ANKFN1: variants seen among roughly 807,000 people sequenced by gnomAD.
ANKFN1 encodes the protein ankyrin repeat and fibronectin type III domain containing 1, also known as ankyrin repeat and fibronectin type-III domain-containing protein 1.
A neutral mutation model predicts 108.7 loss-of-function variants in ANKFN1; 74 were observed. The observed-to-expected ratio is 0.68, with a 90% CI of 0.56 to 0.83. ANKFN1 has a LOEUF of 0.83. Among genes scored for constraint, ANKFN1 ranks in the 40% least tolerant of loss-of-function variants. The probability of loss-of-function intolerance (pLI) is 0.00; values close to 1 mark genes in which losing one functional copy is unlikely to be tolerated. For missense variants in ANKFN1, 1,505 were observed against 1,382.3 expected (o/e 1.09, Z -1.41); for synonymous variants, 547 against 516.2 (o/e 1.06, Z -0.81).
chr17:56,251,396 A>G (rs776971093), intron 3 of ANKFN1, among the ~76,000 whole-genome samples: 15 of 152,218 alleles, frequency 9.9e-5, no homozygotes, highest in Non-Finnish European at 1.6e-4. Context: ...CTGACAACAC[A>G]ATATCTGACC....
intron 4 of ANKFN1, among the ~76,000 whole-genome samples, chr17:56,068,961 G>C (rs183627208): frequency 3.0e-4 from 46 of 152,248 alleles, no homozygotes; most frequent in Non-Finnish European, 2.9e-5. Flanking sequence ...CAATGAATTA[G>C]ATATATAGAA....
chr17:56,379,145 T>C (rs1393886665), intron 8 of ANKFN1, among the ~76,000 whole-genome samples: 1 of 152,156 alleles, frequency 6.6e-6, no homozygotes, highest in Non-Finnish European at 1.5e-5. Context: ...ATGCCTATAA[T>C]CCCAGCACTT....
At chr17:56,447,802 T>C (rs1179271601) in intron 10 of ANKFN1, among the ~76,000 whole-genome samples, 1 of 152,216 alleles carries the variant, frequency 6.6e-6, no homozygotes, top group African/African-American at 2.4e-5. Context: ...AAGTAGATAC[T>C]ATCCTCATTT....
chr17:56,109,330 T>C (rs957538209), intron 4 of ANKFN1, among the ~76,000 whole-genome samples: 3 of 152,074 alleles, frequency 2.0e-5, no homozygotes, highest in East Asian at 3.9e-4. Context: ...TCGAGACAAA[T>C]GGTTCTCCAC....
intron 2 of ANKFN1, among the ~76,000 whole-genome samples, chr17:56,216,646 C>G (rs1024545225): frequency 6.6e-6 from 1 of 152,206 alleles, no homozygotes; most frequent in Non-Finnish European, 1.5e-5. Flanking sequence ...ATGATGTGCT[C>G]TGCTAGAAAA....
chr17:56,463,883 G>A (rs1216233703), intron 14 of ANKFN1: 3 of 152,104 alleles, frequency 2.0e-5, no homozygotes, highest in Admixed American at 1.3e-4. Flanking sequence ...ACCCCAAACT[G>A]AATAAAGACC....
At position 56,480,741 on chromosome 17, in the gene ANKFN1, C is replaced by A. The variant is rs1444058652; in HGVS notation, c.2014C>A (p.Pro672Thr). 1 of 1,613,976 alleles carries A rather than the reference C, an allele frequency of 6.2e-7. No individual in the cohort carries two copies. Among genetic ancestry groups the A allele is most frequent in the Non-Finnish European group, 8.5e-7 (1 of 1,179,936 alleles). ...MESVDHTSDCPMQLFFYELQM... is the reference protein window; with the variant it reads ...MESVDHTSDCTMQLFFYELQM... ...AAGTGTGGATCATACTTCTGACTGC[C>A]CCATGCAATTGTTCTTCTACGAGCT... Residue 672 changes from proline to threonine, a missense_variant, in exon 17 of 21, where the codon CCC becomes ACC. Physicochemically the swap from Pro to Thr is conservative, Grantham distance 38. Coordinates refer to ENST00000682825, the MANE Select transcript of ANKFN1 (RefSeq NM_001370326.1).
chr17:56,288,664 C>T (rs1199419936), intron 3 of ANKFN1, among the ~76,000 whole-genome samples: 1 of 151,992 alleles, frequency 6.6e-6, no homozygotes, highest in Non-Finnish European at 1.5e-5. Context: ...AGACCAATAA[C>T]CATGGAAAAA....
At chr17:56,434,730 A>G (rs2048877091) in intron 8 of ANKFN1, among the ~76,000 whole-genome samples, 1 of 152,186 alleles carries the variant, frequency 6.6e-6, no homozygotes, top group East Asian at 1.9e-4. Flanking sequence ...ACATCTTCTC[A>G]TCTCTAGAAA....
chr17:56,491,822 G>A (rs947279344), intron 18 of ANKFN1, among the ~76,000 whole-genome samples: 2 of 152,086 alleles, frequency 1.3e-5, no homozygotes, highest in African/African-American at 4.8e-5. Flanking sequence ...TTGCTACTTG[G>A]CTTTTTTTCT....
intron 8 of ANKFN1, among the ~76,000 whole-genome samples, chr17:56,379,878 C>T (rs893913758): frequency 3.5e-4 from 53 of 152,338 alleles, no homozygotes; most frequent in African/African-American, 1.2e-3. Flanking sequence ...CTGTCTATAC[C>T]TGTGTTACTA....
intron 1 of ANKFN1, among the ~76,000 whole-genome samples, chr17:56,177,718 T>A (rs1434561088): frequency 6.6e-6 from 1 of 152,238 alleles, no homozygotes; most frequent in Non-Finnish European, 1.5e-5. Context: ...AATAAAGATG[T>A]GAAAATATTA....
At chr17:56,459,524 C>T (rs2049832661) in intron 14 of ANKFN1, among the ~76,000 whole-genome samples, 1 of 152,156 alleles carries the variant, frequency 6.6e-6, no homozygotes, top group Non-Finnish European at 1.5e-5. Context: ...CACTGACCCA[C>T]TTGAGTTGGA....
intron 1 of ANKFN1, among the ~76,000 whole-genome samples, chr17:56,185,951 G>C (rs569415798): frequency 6.6e-6 from 1 of 152,150 alleles, no homozygotes; most frequent in East Asian, 1.9e-4. Context: ...AAAAGCAATA[G>C]ACCCATTAGT....
At chr17:56,236,216 C>A (rs1048342605) in intron 3 of ANKFN1, among the ~76,000 whole-genome samples, 14 of 151,914 alleles carry the variant, frequency 9.2e-5, no homozygotes, top group Non-Finnish European at 1.8e-4. Context: ...TGCGACCACC[C>A]CCGGCTACTT....
chr17:56,455,308 C>T (rs1424858743), intron 11 of ANKFN1, among the ~76,000 whole-genome samples: 3 of 152,206 alleles, frequency 2.0e-5, no homozygotes, highest in African/African-American at 7.2e-5. Flanking sequence ...AATATGTTCA[C>T]TCTTCCATAT....
intron 4 of ANKFN1, among the ~76,000 whole-genome samples, chr17:56,129,117 G>C (rs1169136906): frequency 6.6e-6 from 1 of 152,096 alleles, no homozygotes; most frequent in East Asian, 1.9e-4. Flanking sequence ...TAATTTTAAG[G>C]CATCATTGGT....
chr17:56,403,010 G>A (rs2047809630), intron 8 of ANKFN1, among the ~76,000 whole-genome samples: 1 of 152,104 alleles, frequency 6.6e-6, no homozygotes, highest in African/African-American at 2.4e-5. Flanking sequence ...TGGTTTTGAA[G>A]GCTCTTTTTG....
chr17:56,324,868 T>C (rs1397440600), intron 3 of ANKFN1, among the ~76,000 whole-genome samples: 1 of 152,146 alleles, frequency 6.6e-6, no homozygotes, highest in African/African-American at 2.4e-5. Context: ...GCCACCCAGG[T>C]TTTATGAGTC....
Sources: allele counts gnomAD v4.1 joint callset (sites outside exome capture counted in the v4.1 genomes callset), GRCh38; gene constraint gnomAD v4.1.1; transcripts MANE v1.5; gene names NCBI Gene and HGNC (gene_info 2026-07-23, HGNC 2026-07-21).